DDR2: variants seen among roughly 807,000 people sequenced by gnomAD.
DDR2 encodes discoidin domain receptor tyrosine kinase 2.
Under a neutral mutation model 94.9 loss-of-function variants are expected in DDR2, and 27 were observed. That is an observed-to-expected ratio of 0.28 (90% CI 0.21 to 0.39). The LOEUF is 0.39. Ranked by LOEUF, DDR2 falls within the 10% of genes least tolerant of loss-of-function variation. The pLI is 1.00. For synonymous variants in DDR2, 382 were observed against 377.2 expected (o/e 1.01, Z -0.15); for missense variants, 783 against 1,076.0 (o/e 0.73, Z 3.81).
In DDR2 at chr1:162,677,839, C is replaced by CTCAGCTT. The variant is rs568012676; in HGVS notation, c.-28+22476_-28+22482dup. Among the ~76,000 whole-genome samples the CTCAGCTT allele has an allele frequency of 5.3e-5, 8 of 152,346 alleles. No individual in the cohort carries two copies. In the East Asian group the frequency reaches 1.2e-3, roughly 22 times the overall value. Reference sequence around the variant, plus strand: ...ACCTGCTGGATATGAATGTAACTCCCTCAGCTTTCAGCTTTCACATCTACT... The same window carrying CTCAGCTT: ...ACCTGCTGGATATGAATGTAACTCCCTCAGCTTTCAGCTTTCAGCTTTCACATCTACT... On this transcript the variant is annotated intron_variant, in intron 2 of 17. Coordinates refer to ENST00000367921, the MANE Select transcript of DDR2 (RefSeq NM_006182.4).
intron 2 of DDR2, among the ~76,000 whole-genome samples, chr1:162,673,817 G>A (rs1464125606): frequency 6.6e-6 from 1 of 151,898 alleles, no homozygotes; most frequent in African/African-American, 2.4e-5. Context: ...CATTTCAGCC[G>A]ACACATTTTA....
intron 1 of DDR2, among the ~76,000 whole-genome samples, chr1:162,648,803 T>G (rs766764841): frequency 5.3e-5 from 8 of 152,134 alleles, no homozygotes; most frequent in Non-Finnish European, 1.5e-5. Context: ...CATCAGCTGA[T>G]GTGGAATGTA....
At chr1:162,699,326 T>G (rs1015327528) in intron 2 of DDR2, among the ~76,000 whole-genome samples, 1 of 152,130 alleles carries the variant, frequency 6.6e-6, no homozygotes, top group African/African-American at 2.4e-5. Context: ...CTATGTTCAC[T>G]CTGCTTGCAC....
At chr1:162,724,378 A>G (rs948211597) in intron 3 of DDR2, among the ~76,000 whole-genome samples, 52 of 152,182 alleles carry the variant, frequency 3.4e-4, no homozygotes, top group African/African-American at 1.2e-3. Context: ...GCCTGAGGCC[A>G]AAGAATGGAG....
intron 2 of DDR2, among the ~76,000 whole-genome samples, chr1:162,662,647 C>T (rs865951227): frequency 6.6e-6 from 1 of 152,032 alleles, no homozygotes; most frequent in South Asian, 2.1e-4. Flanking sequence ...GGCTTAATTT[C>T]CCTAAAGCAT....
At chr1:162,696,555 C>T (rs1660203049) in intron 2 of DDR2, among the ~76,000 whole-genome samples, 1 of 152,036 alleles carries the variant, frequency 6.6e-6, no homozygotes, top group African/African-American at 2.4e-5. Flanking sequence ...TTCATCGCTG[C>T]CTCCTTGGCC....
chr1:162,740,088 A>T (rs1345263465), intron 3 of DDR2, among the ~76,000 whole-genome samples: 1 of 152,176 alleles, frequency 6.6e-6, no homozygotes, highest in Non-Finnish European at 1.5e-5. Flanking sequence ...AAATATTTTT[A>T]AATACCTATT....
At chr1:162,741,477 T>A in intron 3 of DDR2, 2 of 526,772 alleles carry the variant, frequency 3.8e-6, no homozygotes, top group Non-Finnish European at 4.9e-6. Flanking sequence ...ATTTTGAGAG[T>A]AATAGTGTGT....
chr1:162,745,957 G>A (rs1002789614), intron 3 of DDR2, among the ~76,000 whole-genome samples: 1 of 152,016 alleles, frequency 6.6e-6, no homozygotes, highest in African/African-American at 2.4e-5. Context: ...TTTGTCAAAT[G>A]CCTGATAATT....
chr1:162,759,761 C>T, intron 7 of DDR2, 35 bp from the exon 8 acceptor site: 3 of 1,611,978 alleles, frequency 1.9e-6, no homozygotes, highest in Non-Finnish European at 2.5e-6. Flanking sequence ...TCAGATTTCT[C>T]TCTCCTTTTC....
intron 2 of DDR2, among the ~76,000 whole-genome samples, chr1:162,693,009 C>T (rs1660024152): frequency 1.3e-5 from 2 of 152,118 alleles, no homozygotes; most frequent in Admixed American, 1.3e-4. Context: ...ACATACTGCT[C>T]CATAGAACTA....
chr1:162,646,153 A>C (rs1389972322), intron 1 of DDR2, among the ~76,000 whole-genome samples: 1 of 152,248 alleles, frequency 6.6e-6, no homozygotes, highest in Admixed American at 6.5e-5. Flanking sequence ...ATGAAAAGCC[A>C]GGCAGTGAAA....
chr1:162,775,821 T>C lies in DDR2; in HGVS notation c.2026T>C (p.Ser676Pro). Residue 676 changes from serine to proline, a missense_variant, in exon 15 of 18, where the codon TCC (serine) becomes CCC (proline). Transcript: ENST00000367921. ...CCGCCACGAGCCCCCTAATTCTTCCTCCAGCGATGTACGCACTGTCAGGTA... is the reference window on the plus strand; with the variant it reads ...CCGCCACGAGCCCCCTAATTCTTCCCCCAGCGATGTACGCACTGTCAGGTA... The part of the protein sequence containing the change: ...LSRHEPPNSS[S>P]SDVRTVSYTN... 1 of 1,614,038 alleles carries C rather than the reference T, an allele frequency of 6.2e-7. No individual in the cohort carries two copies. Among genetic ancestry groups the C allele is most frequent in the South Asian group, 1.1e-5 (1 of 91,074 alleles).
At chr1:162,675,431 C>T (rs575901403) in intron 2 of DDR2, among the ~76,000 whole-genome samples, 1 of 152,032 alleles carries the variant, frequency 6.6e-6, no homozygotes, top group Admixed American at 6.5e-5. Flanking sequence ...CTGATCATGT[C>T]GATGTTGATG....
At chr1:162,688,979 T>A (rs549666858) in intron 2 of DDR2, among the ~76,000 whole-genome samples, 6 of 152,292 alleles carry the variant, frequency 3.9e-5, no homozygotes, top group Non-Finnish European at 8.8e-5. Context: ...CCCCTCATGA[T>A]GTTCTGCGGG....
chr1:162,728,391 G>A (rs561386056), intron 3 of DDR2, among the ~76,000 whole-genome samples: 2 of 151,932 alleles, frequency 1.3e-5, no homozygotes, highest in South Asian at 4.2e-4. Context: ...AAAGAGGAAG[G>A]GAAAGCTTTT....
rs372190740 is a variant in DDR2, at chr1:162,761,198, C to G, written c.856-13C>G. On this transcript the variant is annotated splice_polypyrimidine_tract_variant and intron_variant, in intron 8 of 17. Transcript: ENST00000367921. ...GGGCCAACCTATCACTCACATGCCT[C>G]TTTCTCTACCAGGTCCACTGCAACA... 1.9e-6 allele frequency: 3 copies of G among 1,613,886 alleles called. No homozygotes were observed. The highest frequency in any genetic ancestry group is 2.2e-5 in the East Asian group (1 of 44,882).
intron 1 of DDR2, among the ~76,000 whole-genome samples, chr1:162,654,170 G>A (rs967553841): frequency 2.7e-4 from 41 of 152,122 alleles, no homozygotes; most frequent in Non-Finnish European, 5.9e-5. Context: ...AGGCATGGTG[G>A]CTCACATCTA....
chr1:162,690,241 C>T (rs1458355391), intron 2 of DDR2, among the ~76,000 whole-genome samples: 1 of 152,088 alleles, frequency 6.6e-6, no homozygotes, highest in Non-Finnish European at 1.5e-5. Context: ...ATTACATAAT[C>T]TGCTCATAGT....
Sources: allele counts gnomAD v4.1 joint callset (sites outside exome capture counted in the v4.1 genomes callset), GRCh38; gene constraint gnomAD v4.1.1; transcripts MANE v1.5; gene names NCBI Gene and HGNC (gene_info 2026-07-23, HGNC 2026-07-21).